Variants in MMP16 observed in about 807,000 individuals in gnomAD.
MMP16 encodes matrix metallopeptidase 16, also known as matrix metalloproteinase-16.
A neutral mutation model predicts 67.8 loss-of-function variants in MMP16; 12 were observed. The ratio of observed to expected loss-of-function variants is 0.18; its 90% CI spans 0.11 to 0.29. MMP16 has a LOEUF of 0.29. Ranked by LOEUF, MMP16 falls within the 10% of genes least tolerant of loss-of-function variation. MMP16 has a pLI of 1.00. For missense variants in MMP16, 475 were observed against 765.7 expected, an observed-to-expected ratio of 0.62 and a Z score of 4.48; for synonymous variants, 249 against 255.9, an observed-to-expected ratio of 0.97 and a Z score of 0.26.
chr8:88,179,334 C>G (rs546400317), intron 3 of MMP16, among the ~76,000 whole-genome samples: 2 of 151,788 alleles, frequency 1.3e-5, no homozygotes, highest in Admixed American at 1.3e-4. Flanking sequence ...AAACCACCAA[C>G]CTAGAAATCT....
intron 3 of MMP16, among the ~76,000 whole-genome samples, chr8:88,177,114 ATTCTTAGCTCT>A (rs1443331677): frequency 1.3e-5 from 2 of 152,120 alleles, no homozygotes; most frequent in East Asian, 1.9e-4. Flanking sequence ...TTGTGGATTT[ATTCTTAGCTCT>A]TATATTTTTG....
At chr8:88,201,362 T>C (rs1313843134) in intron 1 of MMP16, among the ~76,000 whole-genome samples, 1 of 152,068 alleles carries the variant, frequency 6.6e-6, no homozygotes, top group South Asian at 2.1e-4. Flanking sequence ...ATTTCAAGTA[T>C]AGTTAATTTC....
At chr8:88,203,817 G>A (rs768955547) in intron 1 of MMP16, among the ~76,000 whole-genome samples, 11 of 152,164 alleles carry the variant, frequency 7.2e-5, no homozygotes, top group East Asian at 1.9e-4. Context: ...TTTCTTTTAC[G>A]AAAAGACAAA....
intron 1 of MMP16, among the ~76,000 whole-genome samples, chr8:88,208,818 C>CA (rs59898929): frequency 0.16 from 20,681 of 130,484 alleles, 1,809 homozygotes; most frequent in Non-Finnish European, 0.19. Flanking sequence ...GTAGATATGG[C>CA]AAAAAAAAAA....
chr8:88,301,941 A>T (rs1227227301), intron 1 of MMP16, among the ~76,000 whole-genome samples: 1 of 152,220 alleles, frequency 6.6e-6, no homozygotes, highest in East Asian at 1.9e-4. Context: ...ATAATAAAAT[A>T]ACATTTATCA....
Position 88,116,732 on chromosome 8 carries a change from G to A in MMP16, c.872-14C>T, listed in dbSNP as rs761859613. ...TGTCAGGTGGACCTTTTGAAAATAT[G>A]AGGACAGTGCTTGGCTCACTTAAAA... is the stretch of plus-strand genomic sequence containing the variant. On this transcript the variant is annotated splice_polypyrimidine_tract_variant and intron_variant, in intron 5 of 9. Transcript: ENST00000286614. 27 of 1,609,312 alleles carry A rather than the reference G, an allele frequency of 1.7e-5. No homozygotes were observed. The highest frequency in any genetic ancestry group is 2.2e-5 in the Non-Finnish European group (26 of 1,176,560).
At position 88,032,694 on chromosome 8, in the gene MMP16, T is replaced by C. The variant is rs954743724; in HGVS notation, c.*8767A>G. On this transcript the variant is annotated 3_prime_UTR_variant, in exon 10 of 10. Coordinates refer to ENST00000286614, the MANE Select transcript of MMP16 (RefSeq NM_005941.5). The stretch of plus-strand genomic sequence containing the variant: ...CACAAACAAGCTTTGTGTTTGTCAG[T>C]AGAAGCTATCTGAAAAAAAAAATGC... 2 of 123,822 alleles carry C rather than the reference T, an allele frequency of 1.6e-5. No homozygotes were observed. Among genetic ancestry groups the C allele is most frequent in the African/African-American group, 6.1e-5 (2 of 32,848 alleles). 7.7% of individuals were successfully genotyped at this position (123,822 alleles called of 1,614,324 possible).
intron 1 of MMP16, among the ~76,000 whole-genome samples, chr8:88,237,396 T>G (rs1809958610): frequency 6.6e-6 from 1 of 152,114 alleles, no homozygotes; most frequent in Non-Finnish European, 1.5e-5. Flanking sequence ...ACGCCTGTAA[T>G]CCCAGCACTT....
At chr8:88,119,214 T>C (rs567259842) in intron 4 of MMP16, among the ~76,000 whole-genome samples, 1 of 152,190 alleles carries the variant, frequency 6.6e-6, no homozygotes, top group Non-Finnish European at 1.5e-5. Flanking sequence ...CTTTTATATG[T>C]CTCACATTTA....
At chr8:88,110,546 C>T (rs956402525) in intron 6 of MMP16, among the ~76,000 whole-genome samples, 8 of 151,544 alleles carry the variant, frequency 5.3e-5, no homozygotes, top group African/African-American at 1.9e-4. Context: ...TTAATATTAT[C>T]AGGACACTTC....
chr8:88,053,715 T>C (rs1188718896), intron 8 of MMP16, among the ~76,000 whole-genome samples: 12 of 152,270 alleles, frequency 7.9e-5, no homozygotes. Context: ...AATAAATATA[T>C]TGATAACTGC....
At chr8:88,292,122 T>C (rs1377503183) in intron 1 of MMP16, among the ~76,000 whole-genome samples, 2 of 152,214 alleles carry the variant, frequency 1.3e-5, no homozygotes, top group African/African-American at 2.4e-5. Context: ...AGACAATCAA[T>C]AGTTATTAAA....
intron 3 of MMP16, among the ~76,000 whole-genome samples, chr8:88,168,628 C>T (rs1015619472): frequency 1.3e-5 from 2 of 152,120 alleles, no homozygotes; most frequent in Non-Finnish European, 2.9e-5. Context: ...ATAACAAACA[C>T]ATTAAATCAC....
intron 1 of MMP16, among the ~76,000 whole-genome samples, chr8:88,254,273 C>T (rs761583744): frequency 4.2e-4 from 64 of 152,008 alleles, no homozygotes; most frequent in Non-Finnish European, 8.2e-4. Context: ...AACACATGGA[C>T]ACGTCCAGGG....
chr8:88,214,430 T>A (rs948991785), intron 1 of MMP16, among the ~76,000 whole-genome samples: 1 of 152,200 alleles, frequency 6.6e-6, no homozygotes, highest in African/African-American at 2.4e-5. Context: ...GTACAGTGAA[T>A]ACAACCAAGA....
At chr8:88,185,282 A>C (rs1809056137) in intron 3 of MMP16, among the ~76,000 whole-genome samples, 1 of 152,006 alleles carries the variant, frequency 6.6e-6, no homozygotes, top group South Asian at 2.1e-4. Flanking sequence ...AACACGGGGA[A>C]ATCCTGTGTC....
At chr8:88,101,953 T>A (rs1193952554) in intron 6 of MMP16, among the ~76,000 whole-genome samples, 1 of 151,840 alleles carries the variant, frequency 6.6e-6, no homozygotes, top group African/African-American at 2.4e-5. Flanking sequence ...CATCCAGTCT[T>A]GGCTTCCTGT....
chr8:88,063,563 G>A (rs963272001), intron 7 of MMP16, among the ~76,000 whole-genome samples: 1 of 149,870 alleles, frequency 6.7e-6, no homozygotes, highest in African/African-American at 2.5e-5. Flanking sequence ...CTTGAACTGA[G>A]CCACTGTTAA....
chr8:88,171,018 G>T (rs1419700771), intron 3 of MMP16, among the ~76,000 whole-genome samples: 4 of 152,116 alleles, frequency 2.6e-5, no homozygotes, highest in Non-Finnish European at 4.4e-5. Context: ...ATGTAATGGA[G>T]AAATTGATTT....
Sources: allele counts gnomAD v4.1 joint callset (sites outside exome capture counted in the v4.1 genomes callset), GRCh38; gene constraint gnomAD v4.1.1; transcripts MANE v1.5; gene names NCBI Gene and HGNC (gene_info 2026-07-23, HGNC 2026-07-21).